The following PAPPA2 variants were observed in gnomAD, a reference collection of about 807,000 sequenced individuals.
The protein encoded by PAPPA2 is pappalysin 2, also known as pappalysin-2.
In PAPPA2, 86 loss-of-function variants were observed where a neutral mutation model predicts 176.4. The observed-to-expected ratio is 0.49, with a 90% CI of 0.41 to 0.58. The LOEUF (loss-of-function observed/expected upper bound fraction) is 0.58, where lower values mean the gene tolerates loss of function less well. Ranked by LOEUF, PAPPA2 falls within the 20% of genes least tolerant of loss-of-function variation. The pLI is 0.00. For missense variants in PAPPA2, 2,073 were observed against 2,256.9 expected, an observed-to-expected ratio of 0.92 and a Z score of 1.65; for synonymous variants, 809 against 852.2, an observed-to-expected ratio of 0.95 and a Z score of 0.88.
At chr1:176,704,521 C>A (rs964611840) in intron 9 of PAPPA2, among the ~76,000 whole-genome samples, 1 of 152,144 alleles carries the variant, frequency 6.6e-6, no homozygotes, top group African/African-American at 2.4e-5. Context: ...TAGGAGCCAC[C>A]AACCATAGGT....
At chr1:176,730,516 G>A (rs987096240) in intron 12 of PAPPA2, among the ~76,000 whole-genome samples, 2 of 151,138 alleles carry the variant, frequency 1.3e-5, no homozygotes, top group African/African-American at 4.9e-5. Context: ...ACGCATGCAT[G>A]GGGTTTGTCT....
At chr1:176,785,058 G>C (rs560592572) in intron 17 of PAPPA2, among the ~76,000 whole-genome samples, 85 of 152,262 alleles carry the variant, frequency 5.6e-4, no homozygotes, top group African/African-American at 1.9e-3. Context: ...CACCATATGA[G>C]TTTGCGAGGG....
chr1:176,647,514 A>G lies in PAPPA2; in HGVS notation c.1992-23456A>G, dbSNP rs138648623. ...GTCCAATGCCATGAAAAATTTTGTC[A>G]ATGTTTACTTGTAGCAGTTTCATAG... On this transcript the variant is annotated intron_variant, in intron 3 of 22. Transcript: ENST00000367662. Among the ~76,000 whole-genome samples, 743 of 151,400 alleles carry G rather than the reference A, an allele frequency of 4.9e-3. 13 individuals carry two copies. The highest frequency in any genetic ancestry group is 0.016 in the African/African-American group (674 of 41,418).
chr1:176,480,537 G>A (rs1292338132), intron 1 of PAPPA2, among the ~76,000 whole-genome samples: 1 of 152,104 alleles, frequency 6.6e-6, no homozygotes, highest in Non-Finnish European at 1.5e-5. Context: ...GGGGCATGGA[G>A]GCGGGAAGGC....
chr1:176,484,088 C>G (rs1001900998), intron 1 of PAPPA2, among the ~76,000 whole-genome samples: 1 of 152,252 alleles, frequency 6.6e-6, no homozygotes, highest in African/African-American at 2.4e-5. Context: ...ATCTTTATCT[C>G]TCACCTAGAC....
At position 176,709,963 on chromosome 1, in the gene PAPPA2, C is replaced by A; in HGVS notation, c.3458-20C>A. 1 of 1,574,340 alleles carries A rather than the reference C, an allele frequency of 6.4e-7. No homozygotes were observed. The highest frequency in any genetic ancestry group is 8.6e-7 in the Non-Finnish European group (1 of 1,159,298). ...ATTTATGAAAACACTTTTTCTGTGTCACACAATATTTCTTGGCAGGAGAGC... is the reference window on the plus strand; with the variant it reads ...ATTTATGAAAACACTTTTTCTGTGTAACACAATATTTCTTGGCAGGAGAGC... On this transcript the variant is annotated intron_variant, in intron 10 of 22. Coordinates refer to ENST00000367662, the MANE Select transcript of PAPPA2 (RefSeq NM_020318.3).
intron 3 of PAPPA2, among the ~76,000 whole-genome samples, chr1:176,658,514 A>G (rs1293255594): frequency 1.3e-5 from 2 of 152,024 alleles, no homozygotes; most frequent in Admixed American, 6.6e-5. Context: ...GATTAGACTT[A>G]ATGACATAGG....
At chr1:176,472,099 CTTAT>C (rs1651904871) in intron 1 of PAPPA2, among the ~76,000 whole-genome samples, 1 of 152,150 alleles carries the variant, frequency 6.6e-6, no homozygotes, top group Non-Finnish European at 1.5e-5. Context: ...TTCTTTTCTA[CTTAT>C]TTGTTGGAAT....
At position 176,556,861 on chromosome 1, in the gene PAPPA2, T is replaced by C; in HGVS notation, c.539T>C (p.Leu180Pro). 1.2e-6 allele frequency: 2 copies of C among 1,614,038 alleles called. No homozygotes were observed. Among genetic ancestry groups the C allele is most frequent in the Non-Finnish European group, 1.7e-6 (2 of 1,180,000 alleles). The change falls in exon 2 of 23, where the codon CTG becomes CCG. Residue 180 changes from leucine (L) to proline (P), a missense_variant. By Grantham distance (98) the Leu-to-Pro change is moderately conservative. Transcript: ENST00000367662. Reference sequence around the variant, plus strand: ...ACTACCACCGCCATTTTCACAACCCTGAACGAACCCAAACCAGAGACCCAA... The same window carrying C: ...ACTACCACCGCCATTTTCACAACCCCGAACGAACCCAAACCAGAGACCCAA... ...ATTTTAIFTT[L>P]NEPKPETQRR...
chr1:176,525,294 C>T (rs184598182), intron 1 of PAPPA2, among the ~76,000 whole-genome samples: 54 of 152,308 alleles, frequency 3.5e-4, no homozygotes, highest in African/African-American at 1.3e-3. Context: ...TCCATATCTT[C>T]ATTTCAAGCA....
At chr1:176,743,612 A>C (rs558704890) in intron 14 of PAPPA2, among the ~76,000 whole-genome samples, 5 of 152,278 alleles carry the variant, frequency 3.3e-5, no homozygotes, top group Admixed American at 2.6e-4. Flanking sequence ...GAAACTATCT[A>C]TTTTATTAAT....
intron 17 of PAPPA2, among the ~76,000 whole-genome samples, chr1:176,777,699 G>A (rs1269949530): frequency 6.6e-6 from 1 of 152,002 alleles, no homozygotes; most frequent in African/African-American, 2.4e-5. Flanking sequence ...TAATTTACAG[G>A]ATAGAAATAA....
chr1:176,677,665 C>T (rs1448233646), intron 4 of PAPPA2, among the ~76,000 whole-genome samples: 2 of 152,084 alleles, frequency 1.3e-5, no homozygotes, highest in Non-Finnish European at 2.9e-5. Flanking sequence ...GTCATTGATA[C>T]CATACTCATT....
intron 1 of PAPPA2, among the ~76,000 whole-genome samples, chr1:176,498,086 G>C (rs1403305248): frequency 2.0e-5 from 3 of 152,160 alleles, no homozygotes; most frequent in Non-Finnish European, 4.4e-5. Context: ...ATTGAACACA[G>C]TGGTGGAGAG....
At chr1:176,692,800 T>G (rs1660177889) in intron 6 of PAPPA2, among the ~76,000 whole-genome samples, 1 of 152,196 alleles carries the variant, frequency 6.6e-6, no homozygotes, top group Non-Finnish European at 1.5e-5. Context: ...TTCTGACACC[T>G]TCTCAGCCTC....
chr1:176,627,198 A>G (rs1489204581), intron 3 of PAPPA2, among the ~76,000 whole-genome samples: 1 of 152,198 alleles, frequency 6.6e-6, no homozygotes, highest in East Asian at 1.9e-4. Context: ...GATTTTAGCT[A>G]TACAGACTTG....
At chr1:176,831,198 C>T (rs1489673033) in intron 21 of PAPPA2, among the ~76,000 whole-genome samples, 2 of 152,098 alleles carry the variant, frequency 1.3e-5, no homozygotes, top group African/African-American at 4.8e-5. Context: ...TGGGTGCCTT[C>T]ACAGCCTTCA....
chr1:176,660,336 TTG>T lies in PAPPA2; in HGVS notation c.1992-10609_1992-10608del, dbSNP rs34294866. On this transcript the variant is annotated intron_variant, in intron 3 of 22. Coordinates refer to ENST00000367662, the MANE Select transcript of PAPPA2 (RefSeq NM_020318.3). ...ATGCTGTATTTTAGTAATTGTTTGT[TTG>T]TGTGTGTGTGTGTGTGTGTGTGTGC... Among the ~76,000 whole-genome samples the T allele has an allele frequency of 1.6e-3, 194 of 121,824 alleles. 1 individual carries two copies. Among genetic ancestry groups the T allele is most frequent in the East Asian group, 0.011 (49 of 4,524 alleles). The allele number at this position is 121,824 out of a possible 152,430, so 79.9% of individuals were successfully genotyped here.
At chr1:176,596,132 A>G (rs1460110019) in intron 3 of PAPPA2, among the ~76,000 whole-genome samples, 3 of 152,212 alleles carry the variant, frequency 2.0e-5, no homozygotes, top group Admixed American at 6.5e-5. Context: ...GGTGACTGGG[A>G]TCTTTCACTG....
Sources: allele counts gnomAD v4.1 joint callset (sites outside exome capture counted in the v4.1 genomes callset), GRCh38; gene constraint gnomAD v4.1.1; transcripts MANE v1.5; gene names NCBI Gene and HGNC (gene_info 2026-07-23, HGNC 2026-07-21).